Variants in USP45 observed in about 807,000 individuals in gnomAD.
USP45 encodes the protein ubiquitin specific peptidase 45.
A neutral mutation model predicts 95.8 loss-of-function variants in USP45; 89 were observed. The ratio of observed to expected loss-of-function variants is 0.93; its 90% CI spans 0.78 to 1.11. The LOEUF is 1.11. USP45 is among the 50% of genes least tolerant of loss of function. The pLI, the probability that USP45 is intolerant of heterozygous loss-of-function variation, is 0.00. For missense variants in USP45, 898 were observed against 942.5 expected (o/e 0.95, Z 0.62); for synonymous variants, 281 against 316.2 (o/e 0.89, Z 1.18).
intron 13 of USP45, among the ~76,000 whole-genome samples, chr6:99,459,832 G>T (rs1159936028): frequency 6.6e-6 from 1 of 152,052 alleles, no homozygotes; most frequent in Non-Finnish European, 1.5e-5. Flanking sequence ...TAGAAATATT[G>T]CCCTGTCTGC....
At chr6:99,471,584 A>G (rs1789412238) in intron 9 of USP45, among the ~76,000 whole-genome samples, 1 of 152,316 alleles carries the variant, frequency 6.6e-6, no homozygotes, top group East Asian at 1.9e-4. Flanking sequence ...TAAAAGAACT[A>G]CTTCTAGGAA....
intron 5 of USP45, among the ~76,000 whole-genome samples, chr6:99,503,374 T>C (rs1797808777): frequency 6.6e-6 from 1 of 151,954 alleles, no homozygotes; most frequent in African/African-American, 2.4e-5. Flanking sequence ...TTGCCTAGAC[T>C]GGAGTGCAGT....
intron 13 of USP45, among the ~76,000 whole-genome samples, chr6:99,450,627 C>G (rs1464485478): frequency 2.6e-5 from 4 of 152,168 alleles, no homozygotes; most frequent in African/African-American, 7.2e-5. Flanking sequence ...TGGTACCATT[C>G]CTTCTGAAAC....
intron 13 of USP45, among the ~76,000 whole-genome samples, chr6:99,463,346 C>T (rs903445393): frequency 6.6e-6 from 1 of 151,968 alleles, no homozygotes; most frequent in Non-Finnish European, 1.5e-5. Context: ...CATGCCACCA[C>T]CTAAAAGTTT....
chr6:99,481,890 C>A (rs1476142295), intron 8 of USP45, among the ~76,000 whole-genome samples: 2 of 152,148 alleles, frequency 1.3e-5, no homozygotes, highest in Non-Finnish European at 2.9e-5. Context: ...CTCTGTGAGA[C>A]ACTCATGCCT....
intron 5 of USP45, among the ~76,000 whole-genome samples, chr6:99,494,041 A>G (rs1046726828): frequency 6.6e-6 from 1 of 152,202 alleles, no homozygotes; most frequent in Admixed American, 6.5e-5. Flanking sequence ...AAACTATACA[A>G]AATTTTTATT....
intron 13 of USP45, among the ~76,000 whole-genome samples, chr6:99,456,040 G>A (rs1291830974): frequency 6.7e-6 from 1 of 148,222 alleles, no homozygotes; most frequent in East Asian, 2.0e-4. Flanking sequence ...GGCTGAGGCA[G>A]GAGAATGGCA....
intron 2 of USP45, among the ~76,000 whole-genome samples, chr6:99,509,253 T>C (rs1013807078): frequency 6.6e-6 from 1 of 152,152 alleles, no homozygotes; most frequent in African/African-American, 2.4e-5. Flanking sequence ...CAGGAAGGTA[T>C]AAAGAAATAT....
In USP45 at chr6:99,488,193, TACTC is replaced by T. The variant is rs1392277453; in HGVS notation, c.714+3_714+6del. Reference sequence around the variant, plus strand: ...AAGCAGCTATTATTCAAACAGTTATTACTCACCAGCTGAGAGTCTGAGGAAGGAA... The same window carrying T: ...AAGCAGCTATTATTCAAACAGTTATTACCAGCTGAGAGTCTGAGGAAGGAA... On this transcript the variant is annotated splice_donor_5th_base_variant and intron_variant, in intron 7 of 17. Transcript: ENST00000500704. 1.3e-6 allele frequency: 2 copies of T among 1,585,406 alleles called. No homozygotes were observed. Among genetic ancestry groups the T allele is most frequent in the African/African-American group, 1.3e-5 (1 of 74,288 alleles).
intron 5 of USP45, among the ~76,000 whole-genome samples, chr6:99,497,786 C>CA (rs1327213990): frequency 2.6e-5 from 4 of 152,090 alleles, no homozygotes; most frequent in Non-Finnish European, 5.9e-5. Context: ...TTACTTACCT[C>CA]AAGTCTCACC....
chr6:99,496,179 A>G (rs1284082725), intron 5 of USP45, among the ~76,000 whole-genome samples: 2 of 152,150 alleles, frequency 1.3e-5, no homozygotes, highest in East Asian at 1.9e-4. Flanking sequence ...AGATAGGGTC[A>G]TGTTATGTTG....
intron 5 of USP45, among the ~76,000 whole-genome samples, chr6:99,495,917 G>A (rs1245851409): frequency 6.6e-6 from 1 of 152,058 alleles, no homozygotes; most frequent in Non-Finnish European, 1.5e-5. Context: ...ACATCTTTGG[G>A]AAAACTGAGA....
chr6:99,461,192 T>A, intron 13 of USP45: 1 of 985,382 alleles, frequency 1.0e-6, no homozygotes, highest in Non-Finnish European at 1.2e-6. Context: ...TCTGAACTAA[T>A]GAGCTGAGGC....
chr6:99,481,761 G>A (rs1386358877), intron 8 of USP45, among the ~76,000 whole-genome samples: 1 of 152,110 alleles, frequency 6.6e-6, no homozygotes, highest in Non-Finnish European at 1.5e-5. Context: ...GAGAACATGT[G>A]GTATCTGGTT....
intron 17 of USP45, 145 bp downstream of exon 17, chr6:99,437,101 A>AATCAATCC (rs1780632629): frequency 2.3e-6 from 2 of 887,984 alleles, no homozygotes; most frequent in African/African-American, 1.7e-5. Flanking sequence ...TGTCTCAATC[A>AATCAATCC]ATCAATCAAT....
At chr6:99,456,263 AAGAC>A (rs774657154) in intron 13 of USP45, among the ~76,000 whole-genome samples, 1 of 152,134 alleles carries the variant, frequency 6.6e-6, no homozygotes, top group Non-Finnish European at 1.5e-5. Flanking sequence ...AGTGAGTACA[AAGAC>A]AGAGTTAGAA....
chr6:99,486,846 A>AC (rs1794025636), intron 7 of USP45, among the ~76,000 whole-genome samples: 1 of 151,310 alleles, frequency 6.6e-6, no homozygotes, highest in South Asian at 2.1e-4. Context: ...CACACACACA[A>AC]ACACACACAC....
intron 13 of USP45, among the ~76,000 whole-genome samples, chr6:99,453,891 C>T (rs148375451): frequency 0.015 from 2,295 of 152,174 alleles, 28 homozygotes; most frequent in Non-Finnish European, 0.023. Context: ...ACCTGGGAGG[C>T]GGAGACTGCA....
intron 13 of USP45, chr6:99,462,816 C>G (rs1786813524): frequency 7.1e-6 from 3 of 422,700 alleles, no homozygotes; most frequent in Non-Finnish European, 9.7e-6. Flanking sequence ...AACCCTATCT[C>G]TACAAAAAAT....
Sources: gnomAD v4.1 joint callset for allele counts (sites outside exome capture counted in the v4.1 genomes callset) on GRCh38, gnomAD v4.1.1 for gene constraint, MANE v1.5 for transcripts, NCBI Gene and HGNC (gene_info 2026-07-23, HGNC 2026-07-21) for gene names.